The following C5 variants were observed in gnomAD, a reference collection of about 807,000 sequenced individuals.
C5 encodes the protein C3 and PZP-like alpha-2-macroglobulin domain-containing protein 4.
In C5, 140 loss-of-function variants were observed where a neutral mutation model predicts 218.8. The ratio of observed to expected loss-of-function variants is 0.64; its 90% confidence interval spans 0.56 to 0.74. C5 has a LOEUF of 0.74. Among genes scored for constraint, C5 ranks in the 30% least tolerant of loss-of-function variants. The probability of loss-of-function intolerance (pLI) is 0.00; values close to 1 mark genes in which losing one functional copy is unlikely to be tolerated. For missense variants in C5, 1,700 were observed against 1,969.6 expected (o/e 0.86, Z 2.59); for synonymous variants, 614 against 682.3 (o/e 0.90, Z 1.56).
In C5 at chr9:121,050,189, C is replaced by T; in HGVS notation, c.58G>A (p.Glu20Lys). The change falls in exon 1 of 41, where the codon GAG (glutamate) becomes AAG (lysine). Residue 20 changes from glutamate (E) to lysine (K), a missense_variant. Physicochemically the swap from Glu to Lys is moderately conservative, Grantham distance 56. Coordinates refer to ENST00000223642, the MANE Select transcript of C5 (RefSeq NM_001735.3). ...LIFLGKTWGQ[E>K]QTYVISAPKI... Reference sequence around the variant, plus strand: ...ATAGCTTGTTTTACTTACGTTTGCTCCTGTCCCCAGGTTTTCCCCAGGAAG... The same window carrying T: ...ATAGCTTGTTTTACTTACGTTTGCTTCTGTCCCCAGGTTTTCCCCAGGAAG... 6.2e-7 allele frequency: 1 copy of T among 1,612,922 alleles called. No individual in the cohort carries two copies. The highest frequency in any genetic ancestry group is 8.5e-7 in the Non-Finnish European group (1 of 1,178,964).
intron 11 of C5, 105 bp downstream of exon 11, chr9:121,021,404 T>C: frequency 4.7e-6 from 4 of 853,532 alleles, no homozygotes; most frequent in Non-Finnish European, 7.9e-6. Flanking sequence ...AACTGTTCAC[T>C]GGACTCATGT....
intron 28 of C5, among the ~76,000 whole-genome samples, 183 bp downstream of exon 28, chr9:120,979,900 C>CTGAATGAATGCATGAATAAA (rs1295639365): frequency 1.3e-5 from 2 of 151,990 alleles, no homozygotes; most frequent in Non-Finnish European, 2.9e-5. Context: ...TAAATATTTG[C>CTGAATGAATGCATGAATAAA]TGAATGAATG....
chr9:120,964,690 T>G (rs574202638), intron 33 of C5, among the ~76,000 whole-genome samples: 41 of 151,966 alleles, frequency 2.7e-4, no homozygotes, highest in Non-Finnish European at 5.3e-4. Flanking sequence ...GGGAGGGTTT[T>G]GTTTTTGTTT....
chr9:121,066,724 C>T, the C5 span, among the ~76,000 whole-genome samples: 1 of 151,622 alleles, frequency 6.6e-6, no homozygotes, highest in African/African-American at 2.4e-5. Flanking sequence ...GTGGTGCGTG[C>T]CTGTAATCCC....
At chr9:121,058,495 G>A in the C5 span, among the ~76,000 whole-genome samples, 1 of 152,170 alleles carries the variant, frequency 6.6e-6, no homozygotes, top group Non-Finnish European at 1.5e-5. Context: ...CTGGAGTGCA[G>A]TAGTGCAATC....
chr9:120,969,755 G>C (rs1329201672), intron 32 of C5, among the ~76,000 whole-genome samples: 1 of 152,162 alleles, frequency 6.6e-6, no homozygotes, highest in Non-Finnish European at 1.5e-5. Flanking sequence ...TGGGCCCCTT[G>C]GAATACAGAA....
intron 25 of C5, 33 bp downstream of exon 25, chr9:120,989,013 A>T: frequency 6.9e-7 from 1 of 1,447,364 alleles, no homozygotes; most frequent in Non-Finnish European, 9.7e-7. Context: ...ATTAACCACT[A>T]TATGAAAATG....
chr9:120,999,338 C>T (rs759504565), intron 20 of C5, among the ~76,000 whole-genome samples: 15 of 152,020 alleles, frequency 9.9e-5, no homozygotes, highest in Non-Finnish European at 1.8e-4. Flanking sequence ...AATAAGTGTC[C>T]CGCTTTTTAT....
At chr9:121,040,067 G>A (rs1002120119) in intron 3 of C5, among the ~76,000 whole-genome samples, 3 of 152,240 alleles carry the variant, frequency 2.0e-5, no homozygotes, top group Non-Finnish European at 4.4e-5. Context: ...ATTCTAGGGT[G>A]TGAAGTGCCA....
At chr9:121,034,978 A>G (rs1203521380) in intron 4 of C5, 84 bp from the exon 5 acceptor site, 6 of 669,598 alleles carry the variant, frequency 9.0e-6, no homozygotes, top group Non-Finnish European at 1.3e-5. Flanking sequence ...GATGTACAAA[A>G]TATTTATAGA....
At chr9:121,031,004 G>C (rs1480067362) in intron 6 of C5, among the ~76,000 whole-genome samples, 1 of 152,062 alleles carries the variant, frequency 6.6e-6, no homozygotes, top group East Asian at 1.9e-4. Flanking sequence ...TAGAAGAAGG[G>C]AGATGGGTTA....
chr9:121,062,689 T>C, the C5 span, among the ~76,000 whole-genome samples: 1 of 152,204 alleles, frequency 6.6e-6, no homozygotes, highest in South Asian at 2.1e-4. Context: ...AATGTTTGTG[T>C]CCTCTTGAAA....
At chr9:120,987,950 G>A (rs960148491) in intron 25 of C5, among the ~76,000 whole-genome samples, 3 of 151,852 alleles carry the variant, frequency 2.0e-5, no homozygotes, top group African/African-American at 4.8e-5. Context: ...ATGCCACTAC[G>A]CCCAGCTAAT....
intron 12 of C5, among the ~76,000 whole-genome samples, 162 bp downstream of exon 12, chr9:121,019,814 C>T (rs540367691): frequency 1.3e-5 from 2 of 152,262 alleles, no homozygotes; most frequent in Admixed American, 1.3e-4. Flanking sequence ...AAATCATGCC[C>T]TATTTCAAAG....
the C5 span, among the ~76,000 whole-genome samples, chr9:121,062,883 GTTA>G: frequency 1.3e-5 from 2 of 151,904 alleles, no homozygotes; most frequent in Admixed American, 1.3e-4. Flanking sequence ...CTTTTCTCTT[GTTA>G]TTTTCAAGAT....
intron 20 of C5, among the ~76,000 whole-genome samples, 182 bp downstream of exon 20, chr9:121,005,737 C>T (rs1270488297): frequency 6.6e-6 from 1 of 152,054 alleles, no homozygotes; most frequent in Non-Finnish European, 1.5e-5. Flanking sequence ...GTCCTTCCTC[C>T]TTCCTTCATC....
chr9:121,027,706 AAGACTTACATGGT>A (rs1216037858), intron 7 of C5, among the ~76,000 whole-genome samples: 4 of 152,260 alleles, frequency 2.6e-5, no homozygotes, highest in African/African-American at 9.6e-5. Context: ...AGATGGATTA[AAGACTTACATGGT>A]AGACCTAAAA....
At position 121,005,993 on chromosome 9, in the gene C5, G is replaced by T; in HGVS notation, c.2488C>A (p.Pro830Thr). 1.2e-6 allele frequency: 2 copies of T among 1,612,916 alleles called. No homozygotes were observed. The highest frequency in any genetic ancestry group is 1.7e-6 in the Non-Finnish European group (2 of 1,179,090). The change falls in exon 20 of 41, where the codon CCA (proline) becomes ACA (threonine). Residue 830 changes from proline to threonine, a missense_variant. Coordinates refer to ENST00000223642, the MANE Select transcript of C5 (RefSeq NM_001735.3). ...FKDVFLEMNI[P>T]YSVVRGEQIQ... is the part of the protein sequence containing the mutation. ...TGTTCTCCTCGTACAACAGAATATGGTATATTCATTTCCAGGAAGACATCT... is the reference window on the plus strand; with the variant it reads ...TGTTCTCCTCGTACAACAGAATATGTTATATTCATTTCCAGGAAGACATCT...
In C5 at chr9:121,025,591, G is replaced by A. The variant is rs1303995116; in HGVS notation, c.874-11C>T. On this transcript the variant is annotated splice_polypyrimidine_tract_variant and intron_variant, in intron 8 of 40. Transcript: ENST00000223642. ...AATTCCATTTATCAACTTTTTAAAA[G>A]GAGAAAAAGGAGGAGTTATTTCGGA... 1 of 1,609,522 alleles carries A rather than the reference G, an allele frequency of 6.2e-7. No individual in the cohort carries two copies. Among genetic ancestry groups the A allele is most frequent in the African/African-American group, 1.3e-5 (1 of 74,756 alleles).
Sources: allele counts gnomAD v4.1 joint callset (sites outside exome capture counted in the v4.1 genomes callset), GRCh38; gene constraint gnomAD v4.1.1; transcripts MANE v1.5; gene names NCBI Gene and HGNC (gene_info 2026-07-23, HGNC 2026-07-21).